Variants in CCDC148 observed in about 807,000 individuals in gnomAD.
CCDC148 encodes coiled-coil domain-containing protein 148.
Under a neutral mutation model 85.7 loss-of-function variants are expected in CCDC148, and 89 were observed. The ratio of observed to expected loss-of-function variants is 1.04; its 90% CI spans 0.87 to 1.24. The LOEUF (loss-of-function observed/expected upper bound fraction) is 1.24, where lower values mean the gene tolerates loss of function less well. Ranked by LOEUF, CCDC148 falls within the 50% of genes most tolerant of loss-of-function variation. The pLI is 0.00. For synonymous variants in CCDC148, 230 were observed against 213.9 expected (o/e 1.08, Z -0.66); for missense variants, 692 against 671.7 (o/e 1.03, Z -0.33).
rs374917004 is a variant in CCDC148, at chr2:158,298,278, C to T, written c.1110+11155G>A. ...GATTTGGGTAGGGATACAGCCAAAC[C>T]GTATCACCATTGTTTTCAGGAGTTT... On this transcript the variant is annotated intron_variant, in intron 9 of 13. Coordinates refer to ENST00000283233, the MANE Select transcript of CCDC148 (RefSeq NM_138803.4). Among the ~76,000 whole-genome samples the T allele has an allele frequency of 1.2e-4, 18 of 152,076 alleles. No homozygotes were observed. In the South Asian group the frequency reaches 1.7e-3, roughly 14 times the overall value.
intron 1 of CCDC148, among the ~76,000 whole-genome samples, chr2:158,390,435 A>G (rs1410920753): frequency 1.3e-5 from 2 of 152,178 alleles, no homozygotes; most frequent in Non-Finnish European, 2.9e-5. Flanking sequence ...AGATGGGAAT[A>G]AAAGTGGGAA....
intron 1 of CCDC148, among the ~76,000 whole-genome samples, chr2:158,404,922 T>C (rs1222401314): frequency 2.0e-5 from 3 of 152,134 alleles, no homozygotes; most frequent in Non-Finnish European, 4.4e-5. Context: ...GATAACTTTA[T>C]AGAGATCTTG....
At chr2:158,178,455 G>GT (rs1490757102) in intron 12 of CCDC148, among the ~76,000 whole-genome samples, 1 of 152,096 alleles carries the variant, frequency 6.6e-6, no homozygotes, top group East Asian at 1.9e-4. Flanking sequence ...CTAAAAAACT[G>GT]TTTTTAACAC....
chr2:158,277,247 A>G (rs927126699), intron 9 of CCDC148, among the ~76,000 whole-genome samples: 1 of 152,262 alleles, frequency 6.6e-6, no homozygotes, highest in African/African-American at 2.4e-5. Context: ...GTTGGGCAGT[A>G]CAGTATACAA....
chr2:158,436,575 G>C (rs1009257848), intron 1 of CCDC148, among the ~76,000 whole-genome samples: 1 of 152,126 alleles, frequency 6.6e-6, no homozygotes, highest in African/African-American at 2.4e-5. Context: ...AACTAGTGAA[G>C]CAAGAGCAAA....
chr2:158,403,707 C>A (rs925295369), intron 1 of CCDC148, among the ~76,000 whole-genome samples: 1 of 137,292 alleles, frequency 7.3e-6, no homozygotes, highest in Non-Finnish European at 1.7e-5. Context: ...CACACACACA[C>A]AAACACATGC....
intron 1 of CCDC148, among the ~76,000 whole-genome samples, chr2:158,438,951 G>C (rs1384762349): frequency 6.6e-6 from 1 of 152,168 alleles, no homozygotes; most frequent in Non-Finnish European, 1.5e-5. Flanking sequence ...AGTTAGAATG[G>C]TGATCATTAA....
intron 9 of CCDC148, among the ~76,000 whole-genome samples, chr2:158,254,309 G>A (rs185564088): frequency 9.6e-4 from 146 of 151,620 alleles, no homozygotes; most frequent in African/African-American, 3.2e-3. Context: ...ATAATAGTAT[G>A]GTTATGTTCT....
chr2:158,223,503 A>C lies in CCDC148; in HGVS notation c.1252-2790T>G, dbSNP rs1687312356. Among the ~76,000 whole-genome samples the C allele has an allele frequency of 3.3e-5, 5 of 152,182 alleles. No homozygotes were observed. In the South Asian group the frequency reaches 1.0e-3, roughly 32 times the overall value. On this transcript the variant is annotated intron_variant, in intron 10 of 13. Coordinates refer to ENST00000283233, the MANE Select transcript of CCDC148 (RefSeq NM_138803.4). ...CTCCCACCACACAGCTGGAGATCTGAGAACGGACTGACTGCCTCCTCAAGT... is the reference window on the plus strand; with the variant it reads ...CTCCCACCACACAGCTGGAGATCTGCGAACGGACTGACTGCCTCCTCAAGT...
chr2:158,342,929 AC>A (rs1205725600), intron 3 of CCDC148, among the ~76,000 whole-genome samples: 1 of 152,228 alleles, frequency 6.6e-6, no homozygotes, highest in African/African-American at 2.4e-5. Flanking sequence ...TAAATATTAA[AC>A]ATAATTTCAC....
chr2:158,378,875 G>A (rs1684759084), intron 1 of CCDC148, among the ~76,000 whole-genome samples: 2 of 152,140 alleles, frequency 1.3e-5, no homozygotes, highest in South Asian at 4.1e-4. Context: ...TATTCACAAT[G>A]CACCTCGTCA....
chr2:158,301,168 T>C (rs867601718), intron 9 of CCDC148, among the ~76,000 whole-genome samples: 6 of 152,104 alleles, frequency 3.9e-5, no homozygotes, highest in Middle Eastern at 3.2e-3. Context: ...CTGAATTGAA[T>C]TTTAGATAGA....
Position 158,456,736 on chromosome 2 carries a change from A to T in CCDC148, c.-297T>A, listed in dbSNP as rs1341251764. ...ACCCTCTCCAGGCCCTCTCGCGCTGAACAGCATCGGTCTCTATGGCGACCT... is the reference window on the plus strand; with the variant it reads ...ACCCTCTCCAGGCCCTCTCGCGCTGTACAGCATCGGTCTCTATGGCGACCT... On this transcript the variant is annotated 5_prime_UTR_variant, in exon 1 of 14. Transcript: ENST00000283233. 4 of 441,706 alleles carry T rather than the reference A, an allele frequency of 9.1e-6. No homozygotes were observed. Among genetic ancestry groups the T allele is most frequent in the African/African-American group, 4.0e-5 (2 of 50,168 alleles). The allele number at this position is 441,706 out of a possible 1,614,324, so 27.4% of individuals were successfully genotyped here. A position where few individuals can be genotyped will look rare whatever the true frequency, so the allele number is the denominator to read the frequency against.
intron 1 of CCDC148, among the ~76,000 whole-genome samples, chr2:158,403,212 A>G (rs1307469142): frequency 2.0e-5 from 3 of 151,924 alleles, no homozygotes; most frequent in Non-Finnish European, 2.9e-5. Context: ...CAAAGCCTGT[A>G]TTTGCAAGTT....
intron 1 of CCDC148, among the ~76,000 whole-genome samples, chr2:158,403,257 A>G (rs1203793261): frequency 6.6e-6 from 1 of 151,978 alleles, no homozygotes; most frequent in Admixed American, 6.6e-5. Context: ...CCAATGATAT[A>G]TGATAGATTC....
chr2:158,185,864 TA>T (rs1685131076), intron 11 of CCDC148, among the ~76,000 whole-genome samples: 1 of 152,076 alleles, frequency 6.6e-6, no homozygotes, highest in Non-Finnish European at 1.5e-5. Context: ...ATAGAGAATT[TA>T]AAAATAATAA....
intron 1 of CCDC148, among the ~76,000 whole-genome samples, chr2:158,443,515 A>AAAAAAAAAAAAAAAAGAAAAGAAAAG (rs1553524474): frequency 9.9e-6 from 1 of 100,896 alleles, no homozygotes; most frequent in South Asian, 3.4e-4. Context: ...AAAAAAAAAA[A>AAAAAAAAAAAAAAAAGAAAAGAAAAG]AAAAAAAAGA....
rs1491321068 is a variant in CCDC148, at chr2:158,222,469, T to TC, written c.1252-1757_1252-1756insG. On this transcript the variant is annotated intron_variant, in intron 10 of 13. Coordinates refer to ENST00000283233, the MANE Select transcript of CCDC148 (RefSeq NM_138803.4). ...TAAGTGTGCTCTCTCCCTCTCTCTC[T>TC]TTCTCTCTCTCTCTCTCTCTAATCC... Among the ~76,000 whole-genome samples, 1,355 of 149,778 alleles carry TC rather than the reference T, an allele frequency of 9.0e-3. 8 individuals are homozygous for TC. Among genetic ancestry groups the TC allele is most frequent in the Middle Eastern group, 0.024 (7 of 294 alleles).
intron 1 of CCDC148, chr2:158,424,920 A>G: frequency 3.6e-6 from 1 of 281,138 alleles, no homozygotes; most frequent in South Asian, 3.9e-5. Context: ...ATTGTTAGAC[A>G]GCAGATTATT....
Sources: allele counts gnomAD v4.1 joint callset (sites outside exome capture counted in the v4.1 genomes callset), GRCh38; gene constraint gnomAD v4.1.1; transcripts MANE v1.5; gene names NCBI Gene and HGNC (gene_info 2026-07-23, HGNC 2026-07-21).